GRIK2: variants seen among roughly 807,000 people sequenced by gnomAD.
GRIK2 encodes glutamate receptor ionotropic, kainate 2.
Under a neutral mutation model 100.3 loss-of-function variants are expected in GRIK2, and 32 were observed. The observed-to-expected ratio is 0.32, with a 90% CI of 0.24 to 0.43. The LOEUF (loss-of-function observed/expected upper bound fraction) is 0.43. GRIK2 is among the 20% of genes least tolerant of loss of function. GRIK2 has a pLI of 1.00. For missense variants in GRIK2, 843 were observed against 1,114.9 expected (o/e 0.76, Z 3.47); for synonymous variants, 417 against 389.4 (o/e 1.07, Z -0.83).
intron 2 of GRIK2, among the ~76,000 whole-genome samples, chr6:101,493,185 A>T (rs901085246): frequency 5.3e-5 from 8 of 152,054 alleles, no homozygotes; most frequent in African/African-American, 1.9e-4. Context: ...TCCAGTGAGA[A>T]TAAAGAGAAG....
intron 9 of GRIK2, among the ~76,000 whole-genome samples, chr6:101,810,149 A>T (rs562774169): frequency 6.6e-6 from 1 of 152,000 alleles, no homozygotes; most frequent in East Asian, 1.9e-4. Context: ...TTTCAAATCA[A>T]ATCAAATCTG....
chr6:101,859,305 T>C lies in GRIK2; in HGVS notation c.1336T>C (p.Phe446Leu). Residue 446 changes from phenylalanine to leucine, a missense_variant, in exon 11 of 17, where the codon TTT becomes CTT. Coordinates refer to ENST00000369134, the MANE Select transcript of GRIK2 (RefSeq NM_021956.5). The part of the protein sequence containing the change: ...TTILEEPYVL[F>L]KKSDKPLYGN... ...TTTTCAGGAAGAGCCTTATGTCCTT[T>C]TTAAGAAGTCTGACAAACCTCTCTA... 6.3e-7 allele frequency: 1 copy of C among 1,590,486 alleles called. No homozygotes were observed. The highest frequency in any genetic ancestry group is 8.6e-7 in the Non-Finnish European group (1 of 1,158,970).
chr6:101,967,350 T>C (rs993807843), intron 14 of GRIK2, among the ~76,000 whole-genome samples: 2 of 152,210 alleles, frequency 1.3e-5, no homozygotes, highest in South Asian at 2.1e-4. Flanking sequence ...AAAATGCCTT[T>C]GGGGAATTTT....
chr6:101,489,755 C>G lies in GRIK2; in HGVS notation c.115+90363C>G. 1.4e-5 allele frequency among the ~76,000 whole-genome samples: 2 copies of G among 146,276 alleles called. 1 individual carries two copies. Among genetic ancestry groups the G allele is most frequent in the South Asian group, 4.3e-4 (2 of 4,638 alleles). On this transcript the variant is annotated intron_variant, in intron 2 of 16. Transcript: ENST00000369134. Reference sequence around the variant, plus strand: ...AGATAAGCTGAAATATCCAGCAATACTTCTCTGACAAGCATTGTGGATTAT... The same window carrying G: ...AGATAAGCTGAAATATCCAGCAATAGTTCTCTGACAAGCATTGTGGATTAT...
At chr6:101,451,707 G>GT (rs1309164587) in intron 2 of GRIK2, among the ~76,000 whole-genome samples, 4 of 136,256 alleles carry the variant, frequency 2.9e-5, no homozygotes, top group African/African-American at 8.3e-5. Context: ...GGGGGGGGGG[G>GT]TGCCAAATAC....
At chr6:101,989,756 C>A (rs190829291) in intron 14 of GRIK2, among the ~76,000 whole-genome samples, 2 of 151,580 alleles carry the variant, frequency 1.3e-5, no homozygotes, top group Admixed American at 6.6e-5. Context: ...GTATATATTG[C>A]AGTTTTATTA....
chr6:101,469,123 T>A (rs1475114613), intron 2 of GRIK2, among the ~76,000 whole-genome samples: 1 of 152,116 alleles, frequency 6.6e-6, no homozygotes, highest in African/African-American at 2.4e-5. Flanking sequence ...ATCCACCAAC[T>A]AGAAAATTGT....
intron 4 of GRIK2, among the ~76,000 whole-genome samples, chr6:101,657,856 A>G (rs1429270030): frequency 2.0e-5 from 3 of 152,054 alleles, no homozygotes; most frequent in Non-Finnish European, 4.4e-5. Context: ...ATATAGATAC[A>G]TGGTAGGGCA....
chr6:101,791,178 G>T (rs575737530), intron 7 of GRIK2, among the ~76,000 whole-genome samples: 27 of 151,852 alleles, frequency 1.8e-4, no homozygotes, highest in African/African-American at 5.6e-4. Context: ...TCATTAATTT[G>T]TTGAAGGGTT....
chr6:101,772,400 G>A (rs1047637836), intron 7 of GRIK2, among the ~76,000 whole-genome samples: 2 of 152,194 alleles, frequency 1.3e-5, no homozygotes, highest in Admixed American at 6.5e-5. Context: ...AAGAGATGTT[G>A]AGAAGGCAGA....
intron 2 of GRIK2, among the ~76,000 whole-genome samples, chr6:101,583,199 A>G (rs1277928481): frequency 1.3e-5 from 2 of 152,116 alleles, no homozygotes; most frequent in African/African-American, 4.8e-5. Flanking sequence ...GTGAGAAGAT[A>G]ATACAGCCAA....
intron 7 of GRIK2, among the ~76,000 whole-genome samples, chr6:101,769,498 C>A (rs1019638929): frequency 6.6e-6 from 1 of 152,122 alleles, no homozygotes; most frequent in African/African-American, 2.4e-5. Flanking sequence ...CTTTGCTGAG[C>A]TTCATTGGAC....
intron 7 of GRIK2, among the ~76,000 whole-genome samples, chr6:101,782,150 G>T (rs149986678): frequency 1.1e-4 from 16 of 152,042 alleles, no homozygotes; most frequent in Non-Finnish European, 2.2e-4. Context: ...ATCGAGTCAC[G>T]GTATTTGGGA....
intron 4 of GRIK2, among the ~76,000 whole-genome samples, chr6:101,628,956 G>T (rs1030072195): frequency 1.1e-4 from 17 of 151,870 alleles, no homozygotes; most frequent in African/African-American, 4.1e-4. Context: ...AATATATGTG[G>T]GTCTTAAGTG....
At chr6:101,637,150 C>A (rs558303579) in intron 4 of GRIK2, among the ~76,000 whole-genome samples, 2 of 151,926 alleles carry the variant, frequency 1.3e-5, no homozygotes, top group African/African-American at 2.4e-5. Context: ...AGATTTTATT[C>A]CCAGTCTTGT....
At chr6:101,895,896 C>G (rs142694712) in intron 12 of GRIK2, among the ~76,000 whole-genome samples, 1 of 151,352 alleles carries the variant, frequency 6.6e-6, no homozygotes, top group African/African-American at 2.4e-5. Flanking sequence ...TGCTAATATG[C>G]CTGTCACATA....
intron 12 of GRIK2, among the ~76,000 whole-genome samples, chr6:101,910,810 G>A (rs1398160324): frequency 7.3e-6 from 1 of 137,878 alleles, no homozygotes; most frequent in East Asian, 2.0e-4. Context: ...TAACTAAAGG[G>A]GGTCACAGTA....
intron 14 of GRIK2, among the ~76,000 whole-genome samples, chr6:101,985,943 T>C (rs1027014990): frequency 6.6e-6 from 1 of 151,802 alleles, no homozygotes; most frequent in African/African-American, 2.4e-5. Context: ...AATAATATAA[T>C]GTAATATATT....
chr6:101,951,062 G>A (rs990543949), intron 14 of GRIK2, among the ~76,000 whole-genome samples: 17 of 152,234 alleles, frequency 1.1e-4, no homozygotes, highest in African/African-American at 4.1e-4. Flanking sequence ...GTTGTGAATC[G>A]TCATTTGTTG....
Sources: allele counts gnomAD v4.1 joint callset (sites outside exome capture counted in the v4.1 genomes callset), GRCh38; gene constraint gnomAD v4.1.1; transcripts MANE v1.5; gene names NCBI Gene and HGNC (gene_info 2026-07-23, HGNC 2026-07-21).